CCDC14: variants seen among roughly 807,000 people sequenced by gnomAD.
CCDC14 encodes coiled-coil domain-containing protein 14.
Under a neutral mutation model 81.4 loss-of-function variants are expected in CCDC14, and 71 were observed. The observed-to-expected ratio is 0.87, with a 90% CI of 0.72 to 1.06. The LOEUF is 1.06. Ranked by LOEUF, CCDC14 falls within the 50% of genes least tolerant of loss-of-function variation. CCDC14 has a pLI of 0.00. For missense variants in CCDC14, 1,046 were observed against 1,047.3 expected, an observed-to-expected ratio of 1.00 and a Z score of 0.02; for synonymous variants, 332 against 364.8, an observed-to-expected ratio of 0.91 and a Z score of 1.03.
downstream of CCDC14, among the ~76,000 whole-genome samples, chr3:123,895,122 T>C (rs149970136): frequency 3.5e-4 from 53 of 152,264 alleles, no homozygotes; most frequent in African/African-American, 1.1e-3. Context: ...AAAGTGACAT[T>C]AGTTGTAGAA....
At chr3:123,961,022 C>A (rs1422053758) in intron 1 of CCDC14, 122 bp downstream of exon 1, 3 of 845,768 alleles carry the variant, frequency 3.5e-6, no homozygotes, top group South Asian at 1.8e-5. Flanking sequence ...TCTGTCCCAG[C>A]ACTTTAATGT....
chr3:123,887,809 G>T, the CCDC14 span, among the ~76,000 whole-genome samples: 2 of 152,008 alleles, frequency 1.3e-5, no homozygotes, highest in African/African-American at 2.4e-5. Flanking sequence ...TTAAATATTT[G>T]TTCTGTTTTG....
At chr3:123,930,827 C>T in intron 12 of CCDC14, 1 of 292,858 alleles carries the variant, frequency 3.4e-6, no homozygotes. Context: ...GCTTCAGAAC[C>T]AGAGGGCTCA....
rs2035126600 is a variant in CCDC14, at chr3:123,922,742, A to C, written c.1779-7024T>G. On this transcript the variant is annotated intron_variant, in intron 12 of 12. Transcript: ENST00000409697. ...AAAGTCTCCCACCAAAGAAAAGCCC[A>C]GGACAAGACAGCTTTATAGCTGAAT... Among the ~76,000 whole-genome samples the C allele has an allele frequency of 2.0e-5, 3 of 152,164 alleles. No homozygotes were observed. The South Asian group carries it at 6.2e-4, about 32-fold the overall frequency.
At chr3:123,937,178 T>C (rs914706904) in intron 9 of CCDC14, among the ~76,000 whole-genome samples, 4 of 152,110 alleles carry the variant, frequency 2.6e-5, no homozygotes, top group Admixed American at 6.6e-5. Flanking sequence ...TGTGGACACA[T>C]GCTTTGGCTT....
intron 5 of CCDC14, chr3:123,953,295 G>GCAACCTT (rs1202875984): frequency 1.3e-5 from 2 of 152,240 alleles, no homozygotes; most frequent in Non-Finnish European, 2.9e-5. Context: ...TGAAGGATGA[G>GCAACCTT]GTAATGTTTC....
chr3:123,897,601 A>C (rs1478902343), exon 6 of CCDC14: 1 of 1,194,690 alleles, frequency 8.4e-7, no homozygotes, highest in Non-Finnish European at 1.1e-6. Context: ...TTAAGTCCAC[A>C]GTTTTAAAAA....
chr3:123,914,267 G>T lies in CCDC14; in HGVS notation c.*512C>A. On this transcript the variant is annotated 3_prime_UTR_variant, in exon 13 of 13. Transcript: ENST00000409697. ...TGTTTTTTAAGAGGTGTAGATACTG[G>T]TAACTTTTCTCTTTAAATAAATGTT... The T allele has an allele frequency of 1.0e-6, 1 of 983,202 alleles. No homozygotes were observed. Among genetic ancestry groups the T allele is most frequent in the South Asian group, 4.7e-5 (1 of 21,236 alleles). 60.9% of individuals were successfully genotyped at this position (983,202 alleles called of 1,614,324 possible).
intron 5 of CCDC14, among the ~76,000 whole-genome samples, chr3:123,951,963 T>C (rs756418309): frequency 9.9e-5 from 15 of 152,158 alleles, no homozygotes; most frequent in Non-Finnish European, 1.5e-4. Flanking sequence ...TTAGAAACCA[T>C]AAGGGAAGGA....
At chr3:123,960,098 T>C (rs2037588418) in intron 1 of CCDC14, among the ~76,000 whole-genome samples, 1 of 152,120 alleles carries the variant, frequency 6.6e-6, no homozygotes, top group South Asian at 2.1e-4. Context: ...CCAAAAGGAG[T>C]GTCCTAATCA....
At chr3:123,940,035 A>G (rs1291969831) in intron 9 of CCDC14, among the ~76,000 whole-genome samples, 5 of 151,718 alleles carry the variant, frequency 3.3e-5, no homozygotes, top group African/African-American at 9.7e-5. Context: ...TTTTACCATA[A>G]TAAAAATAAA....
At chr3:123,934,433 T>A (rs2035946793) in intron 9 of CCDC14, among the ~76,000 whole-genome samples, 1 of 152,068 alleles carries the variant, frequency 6.6e-6, no homozygotes, top group Non-Finnish European at 1.5e-5. Context: ...TAGTTAATCA[T>A]CTACTTTTTA....
the CCDC14 span, among the ~76,000 whole-genome samples, chr3:123,890,084 A>C: frequency 6.6e-6 from 1 of 152,108 alleles, no homozygotes; most frequent in Non-Finnish European, 1.5e-5. Flanking sequence ...TGTGCAGAGA[A>C]ACTCCCATTT....
chr3:123,948,529 C>T (rs139808527), intron 7 of CCDC14, among the ~76,000 whole-genome samples, 162 bp downstream of exon 7: 193 of 152,158 alleles, frequency 1.3e-3, no homozygotes, highest in Non-Finnish European at 2.4e-3. Flanking sequence ...CGTTTAGCCA[C>T]GGCGCTCGGC....
chr3:123,900,248 AC>A (rs2034152136), intron 5 of CCDC14, among the ~76,000 whole-genome samples: 1 of 152,214 alleles, frequency 6.6e-6, no homozygotes, highest in South Asian at 2.1e-4. Context: ...AAGAAGAAAT[AC>A]TTTGGGAATT....
Position 123,915,509 on chromosome 3 carries a change from G to A in CCDC14, c.1988C>T (p.Thr663Ile). Residue 663 changes from threonine to isoleucine, a missense_variant, in exon 13 of 13, where the codon ACA (threonine) becomes ATA (isoleucine). By Grantham distance (89) the Thr-to-Ile change is moderately conservative. Coordinates refer to ENST00000409697, the MANE Select transcript of CCDC14 (RefSeq NM_001366335.1). ...CTCTATGGTTTCCTCATTTTTAATTGTAGAAAGTGGCTCTGAATGTGTAAA... is the reference window on the plus strand; with the variant it reads ...CTCTATGGTTTCCTCATTTTTAATTATAGAAAGTGGCTCTGAATGTGTAAA... Reference protein sequence around the residue: ...YSFTHSEPLSTIKNEETIEPD... With the variant: ...YSFTHSEPLSIIKNEETIEPD... 1 of 1,613,928 alleles carries A rather than the reference G, an allele frequency of 6.2e-7. No individual in the cohort carries two copies. The highest frequency in any genetic ancestry group is 8.5e-7 in the Non-Finnish European group (1 of 1,179,878).
intron 10 of CCDC14, among the ~76,000 whole-genome samples, chr3:123,932,514 A>G (rs1462776160): frequency 6.6e-6 from 1 of 151,966 alleles, no homozygotes; most frequent in Non-Finnish European, 1.5e-5. Flanking sequence ...TTGTTTCTCC[A>G]TTTTGCTTAT....
rs78599956 is a variant in CCDC14 at position 123,897,798 on chromosome 3, A to G, written c.668-185T>C. 6.0e-4 allele frequency among the ~76,000 whole-genome samples: 91 copies of G among 152,310 alleles called. 2 individuals carry two copies. In the South Asian group the frequency reaches 0.011, roughly 18 times the overall value. ...ACTGTAGAAGTTTATCTTAGAAACA[A>G]TAGGTGATCTGGGCAGAGGGGAGGG... On this transcript the variant is annotated intron_variant, in intron 5 of 5. Transcript: ENST00000479903.
At chr3:123,931,617 G>C in intron 10 of CCDC14, 91 bp from the exon 11 acceptor site, 1 of 623,566 alleles carries the variant, frequency 1.6e-6, no homozygotes, top group Admixed American at 3.6e-5. Context: ...AAAAAAAAAA[G>C]GCCTGAAATT....
Sources: allele counts gnomAD v4.1 joint callset (sites outside exome capture counted in the v4.1 genomes callset), GRCh38; gene constraint gnomAD v4.1.1; transcripts MANE v1.5; gene names NCBI Gene and HGNC (gene_info 2026-07-23, HGNC 2026-07-21).